NBAS: variants seen among roughly 807,000 people sequenced by gnomAD.
The protein encoded by NBAS is NAG/BC035112 fusion.
A neutral mutation model predicts 302.5 loss-of-function variants in NBAS; 219 were observed. That is an observed-to-expected ratio of 0.72 (90% CI 0.65 to 0.81). The LOEUF is 0.81. Ranked by LOEUF, NBAS falls within the 30% of genes least tolerant of loss-of-function variation. The pLI is 0.00. For missense variants in NBAS, 2,932 were observed against 2,841.6 expected, an observed-to-expected ratio of 1.03 and a Z score of -0.72; for synonymous variants, 1,118 against 1,021.6, an observed-to-expected ratio of 1.09 and a Z score of -1.80.
At chr2:14,958,866 CG>C in the NBAS span, among the ~76,000 whole-genome samples, 7 of 152,192 alleles carry the variant, frequency 4.6e-5, no homozygotes, top group Non-Finnish European at 1.0e-4. Flanking sequence ...AATCACAAAC[CG>C]GAGGATCTAG....
At chr2:15,187,195 G>C (rs1665129054) in intron 49 of NBAS, among the ~76,000 whole-genome samples, 1 of 152,018 alleles carries the variant, frequency 6.6e-6, no homozygotes, top group Non-Finnish European at 1.5e-5. Flanking sequence ...CTTTTGCCTA[G>C]TTGTATGGTT....
chr2:14,944,281 G>A, the NBAS span, among the ~76,000 whole-genome samples: 2 of 152,038 alleles, frequency 1.3e-5, no homozygotes, highest in African/African-American at 4.8e-5. Flanking sequence ...TCCAGCCTGG[G>A]CGACAGAGTG....
chr2:14,797,410 T>C, the NBAS span, among the ~76,000 whole-genome samples: 661 of 152,282 alleles, frequency 4.3e-3, 6 homozygotes, highest in African/African-American at 0.015. Context: ...TGATGGCAAG[T>C]GGTGGTGGGG....
At chr2:14,945,631 T>C in the NBAS span, among the ~76,000 whole-genome samples, 29 of 152,124 alleles carry the variant, frequency 1.9e-4, no homozygotes, top group African/African-American at 6.5e-4. Context: ...CTGAGAAATG[T>C]ACATGTTGAA....
chr2:14,952,610 G>GT, the NBAS span, among the ~76,000 whole-genome samples: 1 of 152,206 alleles, frequency 6.6e-6, no homozygotes, highest in Non-Finnish European at 1.5e-5. Context: ...TGTTTGGGGC[G>GT]TTTTTCATGT....
chr2:15,521,962 T>A (rs532607864), intron 9 of NBAS, among the ~76,000 whole-genome samples: 3 of 152,294 alleles, frequency 2.0e-5, no homozygotes, highest in African/African-American at 7.2e-5. Flanking sequence ...AATCTGCCCC[T>A]TTACAGGAAG....
intron 11 of NBAS, among the ~76,000 whole-genome samples, chr2:15,497,491 G>T (rs1572931880): frequency 6.6e-6 from 1 of 152,268 alleles, no homozygotes; most frequent in East Asian, 1.9e-4. Flanking sequence ...TAATTTTCAG[G>T]TATCTCCCTT....
chr2:15,342,168 G>C (rs1275282726), intron 35 of NBAS, among the ~76,000 whole-genome samples: 1 of 152,130 alleles, frequency 6.6e-6, no homozygotes, highest in African/African-American at 2.4e-5. Context: ...AGCAACACTA[G>C]CATGAATATA....
intron 44 of NBAS, among the ~76,000 whole-genome samples, chr2:15,252,373 C>A (rs1572530532): frequency 1.3e-5 from 2 of 152,238 alleles, no homozygotes; most frequent in Non-Finnish European, 2.9e-5. Flanking sequence ...TGGCGCGTGC[C>A]TGTAATCCCA....
chr2:14,977,982 T>C, the NBAS span, among the ~76,000 whole-genome samples: 3 of 152,172 alleles, frequency 2.0e-5, no homozygotes, highest in Admixed American at 6.5e-5. Context: ...CTGAGGACAG[T>C]GAAGTACTCA....
intron 12 of NBAS, among the ~76,000 whole-genome samples, chr2:15,479,392 C>T (rs1680330155): frequency 6.6e-6 from 1 of 152,086 alleles, no homozygotes. Context: ...TTTAAAGCAC[C>T]TGACAATTTT....
At chr2:15,030,882 G>C in the NBAS span, among the ~76,000 whole-genome samples, 2 of 152,050 alleles carry the variant, frequency 1.3e-5, no homozygotes, top group African/African-American at 2.4e-5. Flanking sequence ...TCCAGACATT[G>C]CTGATGTCCT....
the NBAS span, among the ~76,000 whole-genome samples, chr2:15,073,657 T>A: frequency 6.6e-6 from 1 of 152,176 alleles, no homozygotes; most frequent in Non-Finnish European, 1.5e-5. Context: ...CAAAATGTAC[T>A]TTCTCATGTT....
the NBAS span, among the ~76,000 whole-genome samples, chr2:14,903,063 G>GA: frequency 7.4e-4 from 107 of 145,472 alleles, 1 homozygote; most frequent in Middle Eastern, 7.1e-3. Context: ...TTTGATGAAT[G>GA]AAAAAAAAAA....
At chr2:15,518,169 T>C (rs1175643731) in intron 9 of NBAS, among the ~76,000 whole-genome samples, 1 of 151,576 alleles carries the variant, frequency 6.6e-6, no homozygotes, top group African/African-American at 2.4e-5. Flanking sequence ...TTTAACACGT[T>C]GCATCAACCC....
intron 25 of NBAS, among the ~76,000 whole-genome samples, chr2:15,406,881 A>C (rs1306009407): frequency 6.6e-6 from 1 of 152,194 alleles, no homozygotes; most frequent in Non-Finnish European, 1.5e-5. Context: ...TTAAAATATG[A>C]CAACAAATTC....
intron 47 of NBAS, 83 bp from the exon 48 acceptor site, chr2:15,219,051 C>CGT: frequency 6.6e-7 from 1 of 1,514,504 alleles, no homozygotes; most frequent in Non-Finnish European, 9.0e-7. Flanking sequence ...GGTCACTGAC[C>CGT]TAACACTTGT....
intron 23 of NBAS, among the ~76,000 whole-genome samples, chr2:15,420,821 G>A (rs778904720): frequency 8.5e-5 from 13 of 152,118 alleles, no homozygotes; most frequent in Non-Finnish European, 1.8e-4. Flanking sequence ...AAGGAGTAGA[G>A]GAGAAGGGGA....
the NBAS span, among the ~76,000 whole-genome samples, chr2:14,889,796 C>CA: frequency 9.9e-5 from 15 of 152,104 alleles, no homozygotes; most frequent in Non-Finnish European, 1.8e-4. Context: ...GAAAATTAAC[C>CA]AACGGGACAG....
Sources: gnomAD v4.1 joint callset for allele counts (sites outside exome capture counted in the v4.1 genomes callset) on GRCh38, gnomAD v4.1.1 for gene constraint, MANE v1.5 for transcripts, NCBI Gene and HGNC (gene_info 2026-07-23, HGNC 2026-07-21) for gene names.